Variants in HADHA observed in about 807,000 individuals in gnomAD.
HADHA encodes the protein hydroxyacyl-CoA dehydrogenase trifunctional multienzyme complex subunit alpha, also known as trifunctional enzyme subunit alpha, mitochondrial.
A neutral mutation model predicts 91.3 loss-of-function variants in HADHA; 59 were observed. The ratio of observed to expected loss-of-function variants is 0.65; its 90% CI spans 0.52 to 0.80. The LOEUF (loss-of-function observed/expected upper bound fraction) is 0.80. Among genes scored for constraint, HADHA ranks in the 30% least tolerant of loss-of-function variants. The pLI is 0.00. For synonymous variants in HADHA, 320 were observed against 338.9 expected, an observed-to-expected ratio of 0.94 and a Z score of 0.61; for missense variants, 800 against 927.6, an observed-to-expected ratio of 0.86 and a Z score of 1.79.
At chr2:26,204,758 G>A (rs1399938441) in intron 11 of HADHA, among the ~76,000 whole-genome samples, 1 of 151,946 alleles carries the variant, frequency 6.6e-6, no homozygotes, top group African/African-American at 2.4e-5. Context: ...TAATTTTTAA[G>A]TTTTTTTGTA....
At chr2:26,209,305 G>A (rs913724910) in intron 11 of HADHA, among the ~76,000 whole-genome samples, 3 of 152,228 alleles carry the variant, frequency 2.0e-5, no homozygotes, top group Admixed American at 2.0e-4. Flanking sequence ...AAAAAGGCTG[G>A]CTTATGGCAA....
intron 14 of HADHA, among the ~76,000 whole-genome samples, chr2:26,197,235 T>C (rs1224069234): frequency 6.6e-6 from 1 of 152,188 alleles, no homozygotes; most frequent in East Asian, 1.9e-4. Context: ...CAGAAAGTGC[T>C]TCTATACCCA....
In HADHA at chr2:26,193,610, G is replaced by A; in HGVS notation, c.1852C>T (p.Leu618=). Residue 618 remains leucine (L), a synonymous_variant, in exon 17 of 20, where the codon CTG becomes TTG. Coordinates refer to ENST00000380649, the MANE Select transcript of HADHA (RefSeq NM_000182.5). ...CCCTTGGACACCATCTGTGTCAGCA[G>A]TTCTGGGTTTCCACCTCCAAACCGC... ...GERFGGGNPE[L]LTQMVSKGFL... is the part of the protein sequence containing the mutation. 1 of 1,614,012 alleles carries A rather than the reference G, an allele frequency of 6.2e-7. No individual in the cohort carries two copies. The highest frequency in any genetic ancestry group is 8.5e-7 in the Non-Finnish European group (1 of 1,179,892).
In HADHA at chr2:26,203,856, C is replaced by T. The variant is rs116579827; in HGVS notation, c.1220+206G>A. 0.012 allele frequency among the ~76,000 whole-genome samples: 1,755 copies of T among 152,150 alleles called. 40 individuals are homozygous for T. The highest frequency in any genetic ancestry group is 0.038 in the African/African-American group (1,582 of 41,502). On this transcript the variant is annotated intron_variant, in intron 12 of 19. Coordinates refer to ENST00000380649, the MANE Select transcript of HADHA (RefSeq NM_000182.5). ...ATTGTCTATGATATCTATAACAAAA[C>T]GAAGTCAAAGAAGGAATTGGCATTT...
chr2:26,205,558 G>A (rs1356117601), intron 11 of HADHA, among the ~76,000 whole-genome samples: 2 of 152,308 alleles, frequency 1.3e-5, no homozygotes, highest in East Asian at 1.9e-4. Flanking sequence ...AGTGGCTTAC[G>A]CCTGTAATCC....
chr2:26,215,623 C>T (rs1670198557), intron 7 of HADHA, among the ~76,000 whole-genome samples: 1 of 152,128 alleles, frequency 6.6e-6, no homozygotes, highest in African/African-American at 2.4e-5. Flanking sequence ...GATTGCTGAT[C>T]ATTTTCTTTT....
At chr2:26,239,047 A>G in intron 2 of HADHA, 43 bp from the exon 3 acceptor site, 2 of 1,559,970 alleles carry the variant, frequency 1.3e-6, no homozygotes, top group Non-Finnish European at 1.8e-6. Context: ...TATTTATTGC[A>G]ACATAAATCC....
chr2:26,230,461 A>T (rs1670596146), intron 6 of HADHA, among the ~76,000 whole-genome samples, 167 bp from the exon 7 acceptor site: 1 of 152,200 alleles, frequency 6.6e-6, no homozygotes, highest in Non-Finnish European at 1.5e-5. Context: ...ACTGATATAC[A>T]CTTGGGTAAC....
chr2:26,227,269 T>C (rs1670506165), intron 7 of HADHA, among the ~76,000 whole-genome samples: 1 of 152,152 alleles, frequency 6.6e-6, no homozygotes, highest in Admixed American at 6.5e-5. Flanking sequence ...CTCAGCACTT[T>C]GGGAGGCCAA....
At position 26,214,462 on chromosome 2, in the gene HADHA, G is replaced by A; in HGVS notation, c.899C>T (p.Ala300Val). 1.3e-6 allele frequency: 2 copies of A among 1,538,528 alleles called. No individual in the cohort carries two copies. The highest frequency in any genetic ancestry group is 1.8e-6 in the Non-Finnish European group (2 of 1,112,910). ...VRKQTKGLYP[A>V]PLKIIDVVKT... ...ACTCACATCAATTATTTTCAGAGGT[G>A]CAGGATAAAGGCCTTTAGTCTGCTT... Residue 300 changes from alanine (A) to valine (V), a missense_variant, in exon 9 of 20, where the codon GCA becomes GTA. Coordinates refer to ENST00000380649, the MANE Select transcript of HADHA (RefSeq NM_000182.5). This position sits in a 1 kb window ranked among gnomAD's most constrained non-coding sequence, Gnocchi z 4.1.
chr2:26,236,364 T>TAA (rs1670755191), intron 4 of HADHA, among the ~76,000 whole-genome samples: 1 of 143,830 alleles, frequency 7.0e-6, no homozygotes, highest in Non-Finnish European at 1.5e-5. Flanking sequence ...TGTGTGTATA[T>TAA]ATATATATAT....
chr2:26,226,420 A>G (rs1300063204), intron 7 of HADHA, among the ~76,000 whole-genome samples: 2 of 152,224 alleles, frequency 1.3e-5, no homozygotes, highest in Non-Finnish European at 2.9e-5. Context: ...GCTTAATTTC[A>G]GGATTCCCTA....
rs367640259 is a variant in HADHA at position 26,194,559 on chromosome 2, G to A, written c.1689+11C>T. 93 of 1,562,222 alleles carry A rather than the reference G, an allele frequency of 6.0e-5. No homozygotes were observed. In the African/African-American group the frequency reaches 1.1e-3, roughly 19 times the overall value. ...GAAGATGCCGCAAACACTCTGGAGA[G>A]CAATACCAACCTGGAGGATTCGGAT... On this transcript the variant is annotated intron_variant, in intron 16 of 19. Transcript: ENST00000380649.
At chr2:26,216,222 T>C (rs1314765828) in intron 7 of HADHA, among the ~76,000 whole-genome samples, 1 of 151,940 alleles carries the variant, frequency 6.6e-6, no homozygotes, top group Non-Finnish European at 1.5e-5. Context: ...AAAATGGCAA[T>C]CTTGTGCAGT....
chr2:26,223,137 A>G (rs1670412422), intron 7 of HADHA, among the ~76,000 whole-genome samples: 1 of 152,164 alleles, frequency 6.6e-6, no homozygotes, highest in Non-Finnish European at 1.5e-5. Context: ...AGGAGACACA[A>G]CAATGATTCT....
chr2:26,227,300 T>G (rs1670506915), intron 7 of HADHA, among the ~76,000 whole-genome samples: 1 of 151,948 alleles, frequency 6.6e-6, no homozygotes, highest in Non-Finnish European at 1.5e-5. Context: ...TAACTTGAGG[T>G]CAGGAGTTTG....
chr2:26,236,785 G>A, intron 4 of HADHA, 70 bp downstream of exon 4: 1 of 1,222,516 alleles, frequency 8.2e-7, no homozygotes, highest in South Asian at 1.2e-5. Flanking sequence ...TTTAAAAGGA[G>A]AAATTATTAG....
intron 13 of HADHA, among the ~76,000 whole-genome samples, chr2:26,198,093 C>T (rs1331958060): frequency 6.6e-6 from 1 of 152,182 alleles, no homozygotes; most frequent in East Asian, 1.9e-4. Flanking sequence ...AAAAGACGGC[C>T]TTGAATTGCA....
At chr2:26,200,964 C>T (rs1669816087) in intron 13 of HADHA, among the ~76,000 whole-genome samples, 185 bp downstream of exon 13, 1 of 152,096 alleles carries the variant, frequency 6.6e-6, no homozygotes. Context: ...GAACTCCTTA[C>T]CTCGTGATCC....
Sources: gnomAD v4.1 joint callset for allele counts (sites outside exome capture counted in the v4.1 genomes callset) on GRCh38, gnomAD v4.1.1 for gene constraint, Gnocchi (gnomAD v3.1) non-coding constraint, MANE v1.5 for transcripts, NCBI Gene and HGNC (gene_info 2026-07-23, HGNC 2026-07-21) for gene names.